The following CEP104 variants were observed in gnomAD, a reference collection of about 807,000 sequenced individuals.
The protein encoded by CEP104 is centrosomal protein 104, also known as centrosomal protein of 104 kDa.
In CEP104, 84 loss-of-function variants were observed where a neutral mutation model predicts 113.3. That is an observed-to-expected ratio of 0.74 (90% CI 0.62 to 0.89). The LOEUF (loss-of-function observed/expected upper bound fraction) is 0.89, where lower values mean the gene tolerates loss of function less well. Among genes scored for constraint, CEP104 ranks in the 40% least tolerant of loss-of-function variants. CEP104 has a pLI of 0.00. For synonymous variants in CEP104, 378 were observed against 421.7 expected, an observed-to-expected ratio of 0.90 and a Z score of 1.27; for missense variants, 1,053 against 1,156.6, an observed-to-expected ratio of 0.91 and a Z score of 1.30.
In CEP104 at chr1:3,831,137, T is replaced by A; in HGVS notation, c.1745A>T (p.His582Leu). The A allele has an allele frequency of 6.2e-7, 1 of 1,614,198 alleles. No homozygotes were observed. The highest frequency in any genetic ancestry group is 8.5e-7 in the Non-Finnish European group (1 of 1,180,020). Residue 582 changes from histidine (H) to leucine (L), a missense_variant, in exon 13 of 22, where the codon CAC (histidine) becomes CTC (leucine). By Grantham distance (99) the His-to-Leu change is moderately conservative. Transcript: ENST00000378230. Reference sequence around the variant, plus strand: ...GAGGCCCATCTGACTCATTGCCAGGTGAACTGAAGAGTTTGCTTTCAATGG... The same window carrying A: ...GAGGCCCATCTGACTCATTGCCAGGAGAACTGAAGAGTTTGCTTTCAATGG... ...VQPLKANSSV[H>L]LAMSQMGLLA... is the part of the protein sequence containing the mutation.
At chr1:3,824,168 C>A (rs1457427416) in intron 18 of CEP104, among the ~76,000 whole-genome samples, 1 of 151,462 alleles carries the variant, frequency 6.6e-6, no homozygotes, top group Non-Finnish European at 1.5e-5. Flanking sequence ...CTCACCGCAA[C>A]CTCTGCCTCC....
chr1:3,853,250 T>C (rs1387101403), intron 1 of CEP104, among the ~76,000 whole-genome samples: 1 of 152,140 alleles, frequency 6.6e-6, no homozygotes, highest in Non-Finnish European at 1.5e-5. Flanking sequence ...GCAGGCATAT[T>C]AAGTACAAAA....
intron 6 of CEP104, 67 bp from the exon 7 acceptor site, chr1:3,839,843 C>T (rs754133688): frequency 2.0e-5 from 26 of 1,331,094 alleles, no homozygotes; most frequent in African/African-American, 2.9e-5. Context: ...TGAAGATGCA[C>T]GGTTGAGAAG....
At chr1:3,815,854 A>G (rs566831143) in intron 21 of CEP104, among the ~76,000 whole-genome samples, 65 of 152,036 alleles carry the variant, frequency 4.3e-4, no homozygotes, top group African/African-American at 1.5e-3. Flanking sequence ...TGCCCGGCCA[A>G]TTTTTTATAG....
chr1:3,836,646 T>C lies in CEP104; in HGVS notation c.1166A>G (p.Lys389Arg). The change falls in exon 10 of 22, where the codon AAG (lysine) becomes AGG (arginine). Residue 389 changes from lysine (K) to arginine (R), a missense_variant. Physicochemically the swap from Lys to Arg is conservative, Grantham distance 26 (BLOSUM62 2). Coordinates refer to ENST00000378230, the MANE Select transcript of CEP104 (RefSeq NM_014704.4). ...YDERPLPAIRKHYGEAVVEPE... is the reference protein window; with the variant it reads ...YDERPLPAIRRHYGEAVVEPE... ...CTCCACCACTGCCTCCCCATAATGC[T>C]TACGAATAGCTGGAAGAGGCCGCTC... 1 of 1,613,830 alleles carries C rather than the reference T, an allele frequency of 6.2e-7. No homozygotes were observed. Among genetic ancestry groups the C allele is most frequent in the Non-Finnish European group, 8.5e-7 (1 of 1,179,990 alleles).
At chr1:3,836,779 G>A (rs1035897747) in intron 9 of CEP104, 87 bp from the exon 10 acceptor site, 57 of 1,139,098 alleles carry the variant, frequency 5.0e-5, no homozygotes, top group African/African-American at 4.4e-4. Context: ...GGCTTACTGC[G>A]CTTACTTACC....
At chr1:3,826,064 G>A (rs1416030119) in intron 17 of CEP104, among the ~76,000 whole-genome samples, 198 bp from the exon 18 acceptor site, 2 of 152,226 alleles carry the variant, frequency 1.3e-5, no homozygotes, top group African/African-American at 2.4e-5. Flanking sequence ...GAGGCTGGGT[G>A]TGCCATGTGT....
intron 6 of CEP104, among the ~76,000 whole-genome samples, chr1:3,844,629 T>A (rs777862415): frequency 7.4e-6 from 1 of 135,364 alleles, no homozygotes; most frequent in East Asian, 2.0e-4. Flanking sequence ...ACTCAGGAGG[T>A]AGAAGTTATA....
rs111326389 is a variant in CEP104 at position 3,826,989 on chromosome 1, C to CA, written c.2152-246dup. Among the ~76,000 whole-genome samples, 30,269 of 151,988 alleles carry CA rather than the reference C, an allele frequency of 0.2. 3,432 individuals carry two copies. The highest frequency in any genetic ancestry group is 0.25 in the Non-Finnish European group (16,856 of 67,962). On this transcript the variant is annotated intron_variant, in intron 15 of 21. Coordinates refer to ENST00000378230, the MANE Select transcript of CEP104 (RefSeq NM_014704.4). ...CATGGCAAACAAAACCCTGTCTCTA[C>CA]AAAAAGTACAAAACTTAGCTGGGTG... is the stretch of plus-strand genomic sequence containing the variant.
chr1:3,834,219 T>C (rs1363207238), intron 11 of CEP104, among the ~76,000 whole-genome samples, 184 bp from the exon 12 acceptor site: 3 of 152,254 alleles, frequency 2.0e-5, no homozygotes, highest in Non-Finnish European at 4.4e-5. Flanking sequence ...AGAGGACATA[T>C]GCTCTTACTT....
At chr1:3,816,396 G>A (rs1477769556) in intron 20 of CEP104, 26 bp from the exon 21 acceptor site, 1 of 1,536,898 alleles carries the variant, frequency 6.5e-7, no homozygotes, top group Non-Finnish European at 8.8e-7. Context: ...CACACAGAGT[G>A]TTAATCAGGC....
chr1:3,815,689 ATTT>A (rs35136906), intron 21 of CEP104, among the ~76,000 whole-genome samples, 172 bp from the exon 22 acceptor site: 2 of 144,384 alleles, frequency 1.4e-5, no homozygotes. Context: ...TCAGCTTCCT[ATTT>A]TTTTTTTTTT....
At chr1:3,847,075 A>T (rs936118924) in intron 4 of CEP104, among the ~76,000 whole-genome samples, 5 of 152,252 alleles carry the variant, frequency 3.3e-5, no homozygotes, top group African/African-American at 1.2e-4. Context: ...ATATGTCATT[A>T]AGGTTAAGTA....
rs571240570 is a variant in CEP104, at chr1:3,823,058, A to G, written c.2571+116T>C. 3.3e-5 allele frequency: 29 copies of G among 890,440 alleles called. No homozygotes were observed. The highest frequency in any genetic ancestry group is 1.6e-4 in the Admixed American group (8 of 49,796). 55.2% of individuals were successfully genotyped at this position (890,440 alleles called of 1,614,324 possible). ...ACTAGACGCTGTCCCCTCCCTGAAC[A>G]CTCATGTACTGTACTCTGTGGCTAT... On this transcript the variant is annotated intron_variant, in intron 20 of 21. Coordinates refer to ENST00000378230, the MANE Select transcript of CEP104 (RefSeq NM_014704.4). This position sits in a 1 kb window ranked among gnomAD's most constrained non-coding sequence, Gnocchi z 4.1.
rs541520431 is a variant in CEP104, at chr1:3,848,759, T to G, written c.136A>C (p.Ile46Leu). The G allele has an allele frequency of 1.4e-5, 23 of 1,608,576 alleles. No homozygotes were observed. In the African/African-American group the frequency reaches 2.9e-4, roughly 21 times the overall value. ...SPRFCQFPQEIVLQMVERCRI... is the reference protein window; with the variant it reads ...SPRFCQFPQELVLQMVERCRI... ...CATCTCTCCACCATTTGAAGGACAA[T>G]TTCTTGTGGAAACTGGCAAAATCTG... Residue 46 changes from isoleucine to leucine, a missense_variant, in exon 3 of 22, where the codon ATT becomes CTT. Physicochemically the swap from Ile to Leu is conservative, Grantham distance 5. Transcript: ENST00000378230.
chr1:3,840,345 T>C (rs7536266), intron 6 of CEP104, among the ~76,000 whole-genome samples: 30,885 of 152,060 alleles, frequency 0.2, 3,495 homozygotes, highest in Non-Finnish European at 0.25. Flanking sequence ...CAGGCGATTC[T>C]CCTGCCTCAG....
chr1:3,824,227 C>T (rs1644039330), intron 18 of CEP104, among the ~76,000 whole-genome samples: 1 of 152,158 alleles, frequency 6.6e-6, no homozygotes. Flanking sequence ...GCTGGGATTA[C>T]AGGCATACAC....
At chr1:3,842,327 G>A (rs1473855098) in intron 6 of CEP104, among the ~76,000 whole-genome samples, 4 of 152,186 alleles carry the variant, frequency 2.6e-5, no homozygotes, top group African/African-American at 7.2e-5. Flanking sequence ...TGATCCGCCC[G>A]CCTCGGCCTC....
chr1:3,821,839 A>AT (rs1643980151), intron 20 of CEP104, among the ~76,000 whole-genome samples: 1 of 152,250 alleles, frequency 6.6e-6, no homozygotes, highest in Non-Finnish European at 1.5e-5. Flanking sequence ...CAAGTGAATC[A>AT]TAAGGAAAAA....
Sources: gnomAD v4.1 joint callset for allele counts (sites outside exome capture counted in the v4.1 genomes callset) on GRCh38, gnomAD v4.1.1 for gene constraint, Gnocchi (gnomAD v3.1) non-coding constraint, MANE v1.5 for transcripts, NCBI Gene and HGNC (gene_info 2026-07-23, HGNC 2026-07-21) for gene names.